Variants in NUP93 observed in about 807,000 individuals in gnomAD.
NUP93 encodes the protein nucleoporin 93.
Under a neutral mutation model 107.8 loss-of-function variants are expected in NUP93, and 55 were observed. The ratio of observed to expected loss-of-function variants is 0.51; its 90% CI spans 0.41 to 0.64. NUP93 has a LOEUF of 0.64. Ranked by LOEUF, NUP93 falls within the 30% of genes least tolerant of loss-of-function variation. The probability of loss-of-function intolerance (pLI) is 0.00; values close to 1 mark genes in which losing one functional copy is unlikely to be tolerated. For missense variants in NUP93, 937 were observed against 1,044.7 expected (o/e 0.90, Z 1.42); for synonymous variants, 390 against 397.5 (o/e 0.98, Z 0.22).
intron 5 of NUP93, among the ~76,000 whole-genome samples, chr16:56,815,572 G>A (rs1963403445): frequency 6.6e-6 from 1 of 152,188 alleles, no homozygotes; most frequent in Admixed American, 6.5e-5. Context: ...CGTAGGATTT[G>A]CTCCTGTGTT....
chr16:56,734,400 T>G (rs1299502479), intron 1 of NUP93, among the ~76,000 whole-genome samples: 1 of 152,296 alleles, frequency 6.6e-6, no homozygotes, highest in Non-Finnish European at 1.5e-5. Context: ...AGGACCAAAG[T>G]ACATAATCCT....
chr16:56,816,679 T>C (rs1244398208), intron 5 of NUP93, among the ~76,000 whole-genome samples: 1 of 152,148 alleles, frequency 6.6e-6, no homozygotes, highest in Admixed American at 6.5e-5. Context: ...TGGCTAGAAC[T>C]AGGGTGTGCC....
chr16:56,823,908 G>A, intron 8 of NUP93, 62 bp downstream of exon 8: 1 of 1,581,862 alleles, frequency 6.3e-7, no homozygotes, highest in Non-Finnish European at 8.6e-7. Flanking sequence ...CTGTTTCTCA[G>A]ATCTTAAGTT....
chr16:56,831,046 T>C (rs1963774693), intron 10 of NUP93, among the ~76,000 whole-genome samples: 1 of 152,222 alleles, frequency 6.6e-6, no homozygotes, highest in South Asian at 2.1e-4. Flanking sequence ...ACTTAATGCT[T>C]TTTTGGTCAA....
At chr16:56,820,066 AAT>A (rs1963511775) in intron 6 of NUP93, among the ~76,000 whole-genome samples, 1 of 152,226 alleles carries the variant, frequency 6.6e-6, no homozygotes, top group South Asian at 2.1e-4. Context: ...AGCCTGATGA[AAT>A]ACAGGCTTCT....
intron 6 of NUP93, among the ~76,000 whole-genome samples, chr16:56,818,971 G>A (rs1167670931): frequency 6.6e-6 from 1 of 152,152 alleles, no homozygotes; most frequent in Non-Finnish European, 1.5e-5. Flanking sequence ...ACTGACCATG[G>A]CATCTCAGTA....
At chr16:56,747,552 T>TAA (rs57113914) in intron 1 of NUP93, among the ~76,000 whole-genome samples, 3 of 142,504 alleles carry the variant, frequency 2.1e-5, no homozygotes, top group Admixed American at 7.0e-5. Context: ...ACATGAGTAT[T>TAA]AAAAAAAAAA....
chr16:56,844,841 A>C lies in NUP93; in HGVS notation c.*232A>C, dbSNP rs1964096487. On this transcript the variant is annotated 3_prime_UTR_variant, in exon 22 of 22. Coordinates refer to ENST00000308159, the MANE Select transcript of NUP93 (RefSeq NM_014669.5). Reference sequence around the variant, plus strand: ...TTTACATTTTTATTTGTGTAATGGGAAATACCGTCACTAGCTCTTGGGCCA... The same window carrying C: ...TTTACATTTTTATTTGTGTAATGGGCAATACCGTCACTAGCTCTTGGGCCA... The C allele has an allele frequency of 2.5e-6, 1 of 403,906 alleles. No individual in the cohort carries two copies. Among genetic ancestry groups the C allele is most frequent in the African/African-American group, 2.1e-5 (1 of 47,984 alleles). 25.0% of individuals were successfully genotyped at this position (403,906 alleles called of 1,614,324 possible).
At chr16:56,793,119 C>A (rs1249758268) in intron 3 of NUP93, among the ~76,000 whole-genome samples, 1 of 152,064 alleles carries the variant, frequency 6.6e-6, no homozygotes, top group Non-Finnish European at 1.5e-5. Context: ...TTAATTGCTT[C>A]CTGAATGGTG....
chr16:56,812,894 C>T (rs1274936946), intron 5 of NUP93, among the ~76,000 whole-genome samples: 1 of 152,162 alleles, frequency 6.6e-6, no homozygotes, highest in South Asian at 2.1e-4. Context: ...AAGAACTTCC[C>T]TATTGAGGCT....
chr16:56,798,621 A>T, intron 4 of NUP93, 83 bp downstream of exon 4: 1 of 1,117,448 alleles, frequency 8.9e-7, no homozygotes, highest in Admixed American at 1.8e-5. Flanking sequence ...TAATCCTAAC[A>T]CTTTGGGAGG....
At chr16:56,752,664 A>G (rs552971729) in intron 2 of NUP93, among the ~76,000 whole-genome samples, 11 of 152,306 alleles carry the variant, frequency 7.2e-5, no homozygotes, top group East Asian at 5.8e-4. Context: ...TCTAAAATCC[A>G]TATAGAGATA....
At chr16:56,772,610 T>C (rs1374116616) in intron 3 of NUP93, among the ~76,000 whole-genome samples, 2 of 152,234 alleles carry the variant, frequency 1.3e-5, no homozygotes, top group African/African-American at 4.8e-5. Flanking sequence ...AGCCTTGCTG[T>C]CTATCAGAGG....
intron 17 of NUP93, among the ~76,000 whole-genome samples, chr16:56,837,392 G>A (rs549145712): frequency 7.9e-5 from 12 of 152,222 alleles, no homozygotes; most frequent in African/African-American, 2.4e-4. Context: ...GCAAAACCCC[G>A]TCTCTACTAA....
chr16:56,811,482 T>C (rs1963314528), intron 5 of NUP93, among the ~76,000 whole-genome samples: 1 of 152,088 alleles, frequency 6.6e-6, no homozygotes, highest in Admixed American at 6.6e-5. Flanking sequence ...TCCCCAAGCC[T>C]GGGCTTCCTC....
intron 3 of NUP93, among the ~76,000 whole-genome samples, chr16:56,794,883 G>A (rs1382758093): frequency 3.5e-5 from 5 of 141,762 alleles, no homozygotes; most frequent in African/African-American, 5.3e-5. Context: ...AGCCGAGATC[G>A]TGCCATTGCC....
At chr16:56,760,999 C>T (rs564014173) in intron 3 of NUP93, among the ~76,000 whole-genome samples, 24 of 152,214 alleles carry the variant, frequency 1.6e-4, no homozygotes, top group Admixed American at 9.8e-4. Flanking sequence ...CTCACCTCTT[C>T]GTTGTGCTGT....
At chr16:56,829,592 A>G (rs1963738345) in intron 9 of NUP93, among the ~76,000 whole-genome samples, 1 of 152,248 alleles carries the variant, frequency 6.6e-6, no homozygotes, top group African/African-American at 2.4e-5. Flanking sequence ...GATTAGCTGC[A>G]TAAAGAAGGT....
chr16:56,787,066 A>C (rs544547701), intron 3 of NUP93, among the ~76,000 whole-genome samples: 1 of 152,360 alleles, frequency 6.6e-6, no homozygotes, highest in Non-Finnish European at 1.5e-5. Context: ...TCCAAACTTA[A>C]TTAAGGTTTT....
Sources: allele counts gnomAD v4.1 joint callset (sites outside exome capture counted in the v4.1 genomes callset), GRCh38; gene constraint gnomAD v4.1.1; transcripts MANE v1.5; gene names NCBI Gene and HGNC (gene_info 2026-07-23, HGNC 2026-07-21).